The following ZNF248 variants were observed in gnomAD, a reference collection of about 807,000 sequenced individuals.
ZNF248 encodes the protein zinc finger protein 248, also known as KRAB protein domain.
In ZNF248, 20 loss-of-function variants were observed where a neutral mutation model predicts 44.3. The observed-to-expected ratio is 0.45, with a 90% CI of 0.32 to 0.66. The LOEUF is 0.66. Among genes scored for constraint, ZNF248 ranks in the 30% least tolerant of loss-of-function variants. The probability of loss-of-function intolerance (pLI) is 0.04; values close to 1 mark genes in which losing one functional copy is unlikely to be tolerated. For missense variants in ZNF248, 654 were observed against 677.0 expected (o/e 0.97, Z 0.38); for synonymous variants, 224 against 229.0 (o/e 0.98, Z 0.20).
chr10:37,803,118 T>A (rs1208679), intron 6 of ZNF248: 1 of 152,188 alleles, frequency 6.6e-6, no homozygotes, highest in Admixed American at 6.5e-5. Flanking sequence ...GCCACCGAGC[T>A]CAGCCCTAAT....
chr10:37,820,392 G>T, intron 6 of ZNF248: 1 of 1,487,888 alleles, frequency 6.7e-7, no homozygotes. Flanking sequence ...TAGCATTGCT[G>T]ACATGAGGCT....
intron 6 of ZNF248, chr10:37,802,781 C>T (rs576612169): frequency 2.6e-5 from 4 of 152,232 alleles, no homozygotes; most frequent in East Asian, 1.9e-4. Context: ...ATTTTAAAAA[C>T]TTGATGTGGC....
chr10:37,825,603 C>A (rs2054253725), downstream of ZNF248, among the ~76,000 whole-genome samples: 1 of 152,094 alleles, frequency 6.6e-6, no homozygotes, highest in South Asian at 2.1e-4. Context: ...CCACACCCGG[C>A]TAATTTTTTG....
rs1413848845 is a variant in ZNF248 at position 37,820,593 on chromosome 10, T to C, written c.330+12432A>G. Reference sequence around the variant, plus strand: ...CCCCCAGCAAACTCAAAGTAATCACTAATTTTACGTCCCCCAGCAGTGCCT... The same window carrying C: ...CCCCCAGCAAACTCAAAGTAATCACCAATTTTACGTCCCCCAGCAGTGCCT... On this transcript the variant is annotated intron_variant, in intron 6 of 6. Coordinates refer to the ZNF248 transcript ENST00000615949. The C allele has an allele frequency of 1.9e-6, 3 of 1,591,692 alleles. No individual in the cohort carries two copies. The East Asian group carries it at 6.7e-5, about 36-fold the overall frequency.
chr10:37,814,050 A>C (rs1366130117), intron 6 of ZNF248, among the ~76,000 whole-genome samples: 1 of 152,120 alleles, frequency 6.6e-6, no homozygotes, highest in Non-Finnish European at 1.5e-5. Context: ...TACATCTATC[A>C]TTGCGCTTTT....
At chr10:37,782,240 T>C (rs1344816437) in intron 6 of ZNF248, among the ~76,000 whole-genome samples, 6 of 152,190 alleles carry the variant, frequency 3.9e-5, no homozygotes, top group African/African-American at 1.4e-4. Flanking sequence ...GATTGTTTTT[T>C]TGAGTTTCAC....
intron 6 of ZNF248, among the ~76,000 whole-genome samples, chr10:37,796,895 T>A (rs2049225967): frequency 6.6e-6 from 1 of 152,066 alleles, no homozygotes; most frequent in African/African-American, 2.4e-5. Flanking sequence ...GGCAGTTATA[T>A]AGCAGAATTA....
intron 6 of ZNF248, among the ~76,000 whole-genome samples, chr10:37,787,972 A>G (rs925640746): frequency 1.3e-5 from 2 of 152,186 alleles, no homozygotes; most frequent in African/African-American, 4.8e-5. Flanking sequence ...TTGAATATAT[A>G]AAGACTTACA....
intron 6 of ZNF248, among the ~76,000 whole-genome samples, chr10:37,811,327 G>A (rs1005413137): frequency 5.3e-5 from 8 of 152,144 alleles, no homozygotes; most frequent in African/African-American, 1.7e-4. Context: ...ATCTCATATT[G>A]AAAATGCAGT....
chr10:37,832,303 G>C lies in ZNF248; in HGVS notation c.1052C>G (p.Ser351Cys). The change falls in exon 6 of 6, where the codon TCT becomes TGT. Residue 351 changes from serine to cysteine, a missense_variant. By Grantham distance (112) the Ser-to-Cys change is moderately radical (BLOSUM62 -1). Coordinates refer to ENST00000395867, the MANE Select transcript of ZNF248 (RefSeq NM_021045.3). ...KHQIVHMGGKSYDYNENGSNF... is the reference protein window; with the variant it reads ...KHQIVHMGGKCYDYNENGSNF... ...ACTCCCATTTTCATTGTAATCATAAGACTTTCCCCCCATGTGTACTATTTG... is the reference window on the plus strand; with the variant it reads ...ACTCCCATTTTCATTGTAATCATAACACTTTCCCCCCATGTGTACTATTTG... 1 of 1,614,004 alleles carries C rather than the reference G, an allele frequency of 6.2e-7. No homozygotes were observed.
In ZNF248 at chr10:37,822,923, C is replaced by T. The variant is rs987171692; in HGVS notation, c.330+10102G>A. Among the ~76,000 whole-genome samples, 9 of 152,084 alleles carry T rather than the reference C, an allele frequency of 5.9e-5. No homozygotes were observed. In the East Asian group the frequency reaches 7.7e-4, roughly 13 times the overall value. ...CTAAAAAATACCTAGAATTAATGTG[C>T]GGTCTATGTGAAGGAAACTATAAAA... On this transcript the variant is annotated intron_variant, in intron 6 of 6. Coordinates refer to the ZNF248 transcript ENST00000615949.
At chr10:37,836,069 G>C (rs940633732) in intron 5 of ZNF248, among the ~76,000 whole-genome samples, 1 of 152,006 alleles carries the variant, frequency 6.6e-6, no homozygotes, top group Non-Finnish European at 1.5e-5. Flanking sequence ...GATCACACTT[G>C]ATTCTCCCTT....
chr10:37,780,801 C>T (rs549108770), intron 6 of ZNF248, among the ~76,000 whole-genome samples: 2 of 152,178 alleles, frequency 1.3e-5, no homozygotes, highest in African/African-American at 2.4e-5. Flanking sequence ...GCGCGGGACC[C>T]TGGTCCTAGC....
At position 37,832,192 on chromosome 10, in the gene ZNF248, G is replaced by T. The variant is rs1293844007; in HGVS notation, c.1163C>A (p.Thr388Asn). 1 of 1,614,086 alleles carries T rather than the reference G, an allele frequency of 6.2e-7. No individual in the cohort carries two copies. The highest frequency in any genetic ancestry group is 2.2e-5 in the East Asian group (1 of 44,880). The stretch of plus-strand genomic sequence containing the variant: ...AGTGAGGTTTGACTTCTCCCAGAAG[G>T]TTTTCCCACATTCACCACATTCAAA... ...KTFECGECGK[T>N]FWEKSNLTQH... Residue 388 changes from threonine to asparagine, a missense_variant, in exon 6 of 6, where the codon ACC (threonine) becomes AAC (asparagine). Transcript: ENST00000395867.
intron 3 of ZNF248, among the ~76,000 whole-genome samples, chr10:37,847,894 A>G (rs907692611): frequency 6.6e-6 from 1 of 152,240 alleles, no homozygotes; most frequent in Non-Finnish European, 1.5e-5. Context: ...GCAATTTTCC[A>G]AAATAAAAAG....
chr10:37,775,220 T>C (rs1013727786), downstream of ZNF248, among the ~76,000 whole-genome samples: 5 of 134,614 alleles, frequency 3.7e-5, no homozygotes, highest in African/African-American at 1.0e-4. Flanking sequence ...GATATCTTTA[T>C]AATTAATATG....
downstream of ZNF248, among the ~76,000 whole-genome samples, chr10:37,828,562 T>C (rs1188186885): frequency 6.6e-6 from 1 of 152,146 alleles, no homozygotes; most frequent in Non-Finnish European, 1.5e-5. Flanking sequence ...TCAATACAAA[T>C]GTGGAGGACA....
rs779949783 is a variant in ZNF248 at position 37,830,012 on chromosome 10, G to A, written c.*1603C>T. ...GTGTCTCTTAGAACTGCTGACCAATGTGTTCCAAGGGGGCAAAAGAAACAA... is the reference window on the plus strand; with the variant it reads ...GTGTCTCTTAGAACTGCTGACCAATATGTTCCAAGGGGGCAAAAGAAACAA... On this transcript the variant is annotated 3_prime_UTR_variant, in exon 6 of 6. Coordinates refer to ENST00000395867, the MANE Select transcript of ZNF248 (RefSeq NM_021045.3). 16 of 985,396 alleles carry A rather than the reference G, an allele frequency of 1.6e-5. No individual in the cohort carries two copies. Among genetic ancestry groups the A allele is most frequent in the Non-Finnish European group, 1.8e-5 (15 of 829,944 alleles). The allele number at this position is 985,396 out of a possible 1,614,324, so 61.0% of individuals were successfully genotyped here.
At chr10:37,821,746 G>A (rs2053504478) in intron 6 of ZNF248, among the ~76,000 whole-genome samples, 1 of 152,128 alleles carries the variant, frequency 6.6e-6, no homozygotes, top group African/African-American at 2.4e-5. Flanking sequence ...CTACATCCAG[G>A]ACAGGCTTGA....
Sources: gnomAD v4.1 joint callset for allele counts (sites outside exome capture counted in the v4.1 genomes callset) on GRCh38, gnomAD v4.1.1 for gene constraint, MANE v1.5 for transcripts, NCBI Gene and HGNC (gene_info 2026-07-23, HGNC 2026-07-21) for gene names.